INPP4B: variants seen among roughly 807,000 people sequenced by gnomAD.
INPP4B encodes inositol polyphosphate 4-phosphatase type II.
In INPP4B, 55 loss-of-function variants were observed where a neutral mutation model predicts 122.5. The observed-to-expected ratio is 0.45, with a 90% confidence interval of 0.36 to 0.56. The LOEUF is 0.56. Ranked by LOEUF, INPP4B falls within the 20% of genes least tolerant of loss-of-function variation. INPP4B has a pLI of 0.00. For synonymous variants in INPP4B, 403 were observed against 388.7 expected (o/e 1.04, Z -0.43); for missense variants, 1,000 against 1,097.7 (o/e 0.91, Z 1.26).
chr4:142,690,300 T>G (rs549423563), intron 2 of INPP4B, among the ~76,000 whole-genome samples: 10 of 152,154 alleles, frequency 6.6e-5, no homozygotes, highest in South Asian at 4.1e-4. Flanking sequence ...GTTTTAAAGG[T>G]AATGTTTGTT....
At chr4:142,725,439 C>T (rs901305686) in intron 2 of INPP4B, among the ~76,000 whole-genome samples, 18 of 151,958 alleles carry the variant, frequency 1.2e-4, no homozygotes, top group Admixed American at 3.3e-4. Context: ...ATCTGACTAA[C>T]GCCAAATAAA....
chr4:142,283,231 G>T (rs1752008454), intron 9 of INPP4B, among the ~76,000 whole-genome samples: 1 of 152,096 alleles, frequency 6.6e-6, no homozygotes, highest in Non-Finnish European at 1.5e-5. Flanking sequence ...AGGAAGGGTA[G>T]CATTGCAATT....
intron 1 of INPP4B, among the ~76,000 whole-genome samples, chr4:142,827,236 T>A (rs1196927768): frequency 6.6e-6 from 1 of 152,202 alleles, no homozygotes; most frequent in African/African-American, 2.4e-5. Flanking sequence ...GCAATATTGA[T>A]AAAGTCAGAT....
chr4:142,028,003 C>T lies in INPP4B; in HGVS notation c.*779G>A, dbSNP rs183247444. The T allele has an allele frequency of 1.3e-4, 26 of 201,112 alleles. No individual in the cohort carries two copies. The East Asian group carries it at 1.7e-3, about 14-fold the overall frequency. The allele number at this position is 201,112 out of a possible 1,614,324, so 12.5% of individuals were successfully genotyped here. The stretch of plus-strand genomic sequence containing the variant: ...TGATGGGAATTTTCATTTTGGGTAT[C>T]AAAATGTTGTTCATTTTTATTTTAT... On this transcript the variant is annotated 3_prime_UTR_variant, in exon 26 of 26. Transcript: ENST00000262992.
chr4:142,788,474 T>C (rs1776058664), intron 1 of INPP4B, among the ~76,000 whole-genome samples: 1 of 152,096 alleles, frequency 6.6e-6, no homozygotes. Context: ...TATTGAAATT[T>C]TTCTATTTCC....
At chr4:142,576,047 G>A (rs936601168) in intron 2 of INPP4B, among the ~76,000 whole-genome samples, 1 of 151,960 alleles carries the variant, frequency 6.6e-6, no homozygotes, top group Non-Finnish European at 1.5e-5. Flanking sequence ...CCTAGATATC[G>A]TTATTGATTT....
intron 2 of INPP4B, among the ~76,000 whole-genome samples, chr4:142,487,015 C>T (rs1286911035): frequency 1.3e-5 from 2 of 152,108 alleles, no homozygotes; most frequent in East Asian, 1.9e-4. Flanking sequence ...ATAATTCCCA[C>T]GTGTTTTGGG....
At chr4:142,319,518 T>A (rs1231577977) in intron 7 of INPP4B, among the ~76,000 whole-genome samples, 3 of 152,192 alleles carry the variant, frequency 2.0e-5, no homozygotes, top group Non-Finnish European at 4.4e-5. Flanking sequence ...CTTCACAGTA[T>A]GAATTTTCTG....
At position 142,179,472 on chromosome 4, in the gene INPP4B, CA is replaced by C. The variant is rs71586262; in HGVS notation, c.1182-5664del. 8.3e-3 allele frequency among the ~76,000 whole-genome samples: 604 copies of C among 73,090 alleles called. 1 individual carries two copies. Among genetic ancestry groups the C allele is most frequent in the African/African-American group, 0.033 (538 of 16,270 alleles). The allele number at this position is 73,090 out of a possible 152,430, so 47.9% of individuals were successfully genotyped here. ...AGGGCAACAGAACAAAACTCCATCT[CA>C]AAAAAAAAAAAAAAAAAAGGTTTCA... On this transcript the variant is annotated intron_variant, in intron 15 of 25. Coordinates refer to ENST00000262992, the MANE Select transcript of INPP4B (RefSeq NM_001101669.3).
chr4:142,065,671 C>CT (rs1436128136), intron 25 of INPP4B, among the ~76,000 whole-genome samples: 1 of 152,068 alleles, frequency 6.6e-6, no homozygotes, highest in Non-Finnish European at 1.5e-5. Flanking sequence ...TTTCCAAGGG[C>CT]TGGGGGGATG....
At chr4:142,566,366 AT>A (rs1731623606) in intron 2 of INPP4B, among the ~76,000 whole-genome samples, 3 of 152,282 alleles carry the variant, frequency 2.0e-5, no homozygotes, top group Admixed American at 2.0e-4. Context: ...AATGGCAATG[AT>A]TTTTGCATTG....
rs182133797 is a variant in INPP4B, at chr4:142,192,628, C to T, written c.1181+459G>A. On this transcript the variant is annotated intron_variant, in intron 15 of 25. Coordinates refer to ENST00000262992, the MANE Select transcript of INPP4B (RefSeq NM_001101669.3). The stretch of plus-strand genomic sequence containing the variant: ...TCATGCCTTTCCCTAAGAAACAGAA[C>T]ATAGAATTCTGTATTGTTGTGTCTT... Among the ~76,000 whole-genome samples, 5 of 152,108 alleles carry T rather than the reference C, an allele frequency of 3.3e-5. No homozygotes were observed. The East Asian group carries it at 7.7e-4, about 24-fold the overall frequency.
intron 11 of INPP4B, among the ~76,000 whole-genome samples, chr4:142,247,538 G>A (rs765338082): frequency 2.1e-4 from 32 of 152,040 alleles, no homozygotes; most frequent in Non-Finnish European, 3.7e-4. Context: ...ATGTGCCCAG[G>A]AATTTATCCA....
intron 11 of INPP4B, among the ~76,000 whole-genome samples, chr4:142,256,307 G>C (rs1736005443): frequency 6.6e-6 from 1 of 151,610 alleles, no homozygotes; most frequent in Non-Finnish European, 1.5e-5. Flanking sequence ...AGAAAAGCAA[G>C]AGCAAACACA....
At chr4:142,174,049 G>A (rs1343763882) in intron 15 of INPP4B, among the ~76,000 whole-genome samples, 8 of 152,032 alleles carry the variant, frequency 5.3e-5, no homozygotes, top group African/African-American at 7.2e-5. Context: ...AATACTTGAC[G>A]TGATTACATA....
At chr4:142,705,225 C>T (rs913817028) in intron 2 of INPP4B, among the ~76,000 whole-genome samples, 2 of 152,062 alleles carry the variant, frequency 1.3e-5, no homozygotes, top group Non-Finnish European at 2.9e-5. Context: ...TGTTCAGGAC[C>T]ATCGGTTCTC....
chr4:142,241,602 T>A (rs186361021), intron 11 of INPP4B, among the ~76,000 whole-genome samples: 4 of 152,164 alleles, frequency 2.6e-5, no homozygotes, highest in African/African-American at 9.7e-5. Context: ...AGTTCTAAAT[T>A]ATCCAAAGTA....
At chr4:142,161,847 G>A (rs987966871) in intron 16 of INPP4B, among the ~76,000 whole-genome samples, 1 of 151,998 alleles carries the variant, frequency 6.6e-6, no homozygotes, top group East Asian at 1.9e-4. Flanking sequence ...AGAAAACTAA[G>A]AAAGAAGTGT....
At chr4:142,795,578 T>G (rs1777128395) in intron 1 of INPP4B, 1 of 152,074 alleles carries the variant, frequency 6.6e-6, no homozygotes, top group Non-Finnish European at 1.5e-5. Context: ...TTTTTCAGTT[T>G]GTAAAATGAA....
Sources: allele counts gnomAD v4.1 joint callset (sites outside exome capture counted in the v4.1 genomes callset), GRCh38; gene constraint gnomAD v4.1.1; transcripts MANE v1.5; gene names NCBI Gene and HGNC (gene_info 2026-07-23, HGNC 2026-07-21).